Variants in HMGCLL1 observed in about 807,000 individuals in gnomAD.
The protein encoded by HMGCLL1 is 3-hydroxy-3-methylglutaryl-CoA lyase like 1.
Under a neutral mutation model 39.1 loss-of-function variants are expected in HMGCLL1, and 36 were observed. That is an observed-to-expected ratio of 0.92 (90% CI 0.71 to 1.22). The LOEUF is 1.22. HMGCLL1 is among the 50% of genes most tolerant of loss of function. HMGCLL1 has a pLI of 0.00. For synonymous variants in HMGCLL1, 149 were observed against 144.0 expected (o/e 1.03, Z -0.25); for missense variants, 451 against 416.5 (o/e 1.08, Z -0.72).
At chr6:55,589,332 G>A in the HMGCLL1 span, among the ~76,000 whole-genome samples, 2 of 152,072 alleles carry the variant, frequency 1.3e-5, no homozygotes, top group African/African-American at 4.8e-5. Context: ...TGCAGAAAAG[G>A]CCTTTGACAA....
chr6:55,501,261 A>AC (rs1175797203), intron 5 of HMGCLL1, among the ~76,000 whole-genome samples: 1 of 151,896 alleles, frequency 6.6e-6, no homozygotes, highest in Non-Finnish European at 1.5e-5. Flanking sequence ...TCTAAAGCAG[A>AC]GGTTGGTACA....
At chr6:55,464,605 T>G (rs966499859) in intron 7 of HMGCLL1, among the ~76,000 whole-genome samples, 7 of 152,172 alleles carry the variant, frequency 4.6e-5, no homozygotes, top group Admixed American at 3.9e-4. Flanking sequence ...CAAGTCTCCT[T>G]GTACATACCT....
intron 3 of HMGCLL1, among the ~76,000 whole-genome samples, chr6:55,539,999 AGGGAGGGAGGGAGGGAGGGAGGG>A (rs1769308121): frequency 1.5e-4 from 1 of 6,528 alleles, no homozygotes; most frequent in Non-Finnish European, 3.3e-4. Flanking sequence ...GAAGGAAGGG[AGGGAGGGAGGGAGGGAGGGAGGG>A]AGGGAGGGAG....
At chr6:55,619,051 C>G in the HMGCLL1 span, among the ~76,000 whole-genome samples, 8,348 of 151,868 alleles carry the variant, frequency 0.055, 390 homozygotes, top group Non-Finnish European at 0.077. Flanking sequence ...AACAATGGAC[C>G]CATCCCTGGA....
At chr6:55,448,400 T>C (rs1478493402) in intron 7 of HMGCLL1, among the ~76,000 whole-genome samples, 1 of 150,812 alleles carries the variant, frequency 6.6e-6, no homozygotes, top group Admixed American at 6.6e-5. Context: ...TAGGAGAAAA[T>C]GGAAGATAAA....
At chr6:55,495,296 T>C (rs1007360637) in intron 7 of HMGCLL1, 123 bp downstream of exon 7, 4 of 771,368 alleles carry the variant, frequency 5.2e-6, no homozygotes, top group Non-Finnish European at 8.1e-6. Context: ...GTACAGACAC[T>C]GGTTAAAATT....
chr6:55,437,557 A>G (rs546857453), intron 8 of HMGCLL1, among the ~76,000 whole-genome samples: 1 of 152,124 alleles, frequency 6.6e-6, no homozygotes, highest in South Asian at 2.1e-4. Flanking sequence ...GAGCAGTCCA[A>G]GATATCTTAA....
chr6:55,535,746 G>A (rs1051447505), intron 3 of HMGCLL1, among the ~76,000 whole-genome samples: 1 of 152,104 alleles, frequency 6.6e-6, no homozygotes. Context: ...AACTCATCTG[G>A]ATAATAATGG....
At chr6:55,472,759 TAAAAC>T (rs886772938) in intron 7 of HMGCLL1, among the ~76,000 whole-genome samples, 13 of 151,652 alleles carry the variant, frequency 8.6e-5, no homozygotes, top group African/African-American at 3.1e-4. Context: ...AAATGTCAAT[TAAAAC>T]AAACTGCTTG....
chr6:55,454,420 G>A (rs1185476672), intron 7 of HMGCLL1, among the ~76,000 whole-genome samples: 1 of 152,194 alleles, frequency 6.6e-6, no homozygotes, highest in Admixed American at 6.5e-5. Context: ...GGCAGCAAAG[G>A]CTAAGTGAGA....
At chr6:55,671,125 T>C in the HMGCLL1 span, among the ~76,000 whole-genome samples, 36 of 151,962 alleles carry the variant, frequency 2.4e-4, no homozygotes, top group East Asian at 6.8e-3. Context: ...CCTTGACCTT[T>C]TGCCTTTGTA....
At chr6:55,649,145 G>C in the HMGCLL1 span, among the ~76,000 whole-genome samples, 1 of 152,014 alleles carries the variant, frequency 6.6e-6, no homozygotes, top group South Asian at 2.1e-4. Context: ...ATGATATTCT[G>C]TGTTTTTCTG....
At chr6:55,587,957 A>C in the HMGCLL1 span, among the ~76,000 whole-genome samples, 3 of 152,194 alleles carry the variant, frequency 2.0e-5, no homozygotes, top group African/African-American at 4.8e-5. Context: ...TAATAATGGG[A>C]GACTTTAACA....
chr6:55,509,009 A>C (rs1268259270), intron 5 of HMGCLL1, among the ~76,000 whole-genome samples: 1 of 152,018 alleles, frequency 6.6e-6, no homozygotes, highest in Non-Finnish European at 1.5e-5. Context: ...CCAGCTTACA[A>C]ATATTAACTG....
chr6:55,607,932 C>T, the HMGCLL1 span, among the ~76,000 whole-genome samples: 1 of 152,092 alleles, frequency 6.6e-6, no homozygotes, highest in Non-Finnish European at 1.5e-5. Flanking sequence ...ATGAAAGAAA[C>T]AAAACACACT....
chr6:55,511,367 G>A (rs775268493), intron 5 of HMGCLL1, among the ~76,000 whole-genome samples: 1 of 152,030 alleles, frequency 6.6e-6, no homozygotes, highest in Non-Finnish European at 1.5e-5. Context: ...TTCTGAGCGT[G>A]TGTTAAAAAT....
chr6:55,635,406 T>C, the HMGCLL1 span, among the ~76,000 whole-genome samples: 1 of 152,054 alleles, frequency 6.6e-6, no homozygotes, highest in African/African-American at 2.4e-5. Flanking sequence ...CCTGACTGTT[T>C]TGAGGGCCAA....
chr6:55,535,426 C>T (rs1768957547), intron 3 of HMGCLL1, among the ~76,000 whole-genome samples: 1 of 152,142 alleles, frequency 6.6e-6, no homozygotes, highest in South Asian at 2.1e-4. Flanking sequence ...CTACTTCTGT[C>T]ATAAAAATAT....
chr6:55,476,400 A>T (rs1765287809), intron 7 of HMGCLL1, among the ~76,000 whole-genome samples: 1 of 151,594 alleles, frequency 6.6e-6, no homozygotes, highest in Non-Finnish European at 1.5e-5. Context: ...AGTAATTTTT[A>T]TATATTGTGC....
Sources: allele counts gnomAD v4.1 joint callset (sites outside exome capture counted in the v4.1 genomes callset), GRCh38; gene constraint gnomAD v4.1.1; transcripts MANE v1.5; gene names NCBI Gene and HGNC (gene_info 2026-07-23, HGNC 2026-07-21).